The following PHF24 variants were observed in gnomAD, a reference collection of about 807,000 sequenced individuals.
PHF24 encodes Galpha inhibitory interacting protein.
PHF24 carries 25 observed loss-of-function variants against 42.6 expected under a neutral mutation model. The observed-to-expected ratio is 0.59, with a 90% confidence interval of 0.43 to 0.82. PHF24 has a LOEUF of 0.82. PHF24 is among the 40% of genes least tolerant of loss of function. The pLI is 0.00. For synonymous variants in PHF24, 185 were observed against 204.8 expected (o/e 0.90, Z 0.83); for missense variants, 470 against 538.1 (o/e 0.87, Z 1.25).
At chr9:34,720,623 A>G in the PHF24 span, among the ~76,000 whole-genome samples, 3 of 152,044 alleles carry the variant, frequency 2.0e-5, no homozygotes, top group African/African-American at 4.8e-5. Flanking sequence ...TTCTCAGGGC[A>G]GCTTCTTTGT....
the PHF24 span, among the ~76,000 whole-genome samples, chr9:34,756,102 T>G: frequency 1.3e-5 from 2 of 152,142 alleles, no homozygotes; most frequent in Non-Finnish European, 2.9e-5. Flanking sequence ...TGAGTTGATC[T>G]CTTTCTCTCT....
At chr9:34,905,689 G>A in the PHF24 span, among the ~76,000 whole-genome samples, 1 of 152,092 alleles carries the variant, frequency 6.6e-6, no homozygotes, top group Non-Finnish European at 1.5e-5. Context: ...GTTGGAAGAG[G>A]GAGTGATCCA....
chr9:34,846,975 T>C, the PHF24 span, among the ~76,000 whole-genome samples: 2 of 152,174 alleles, frequency 1.3e-5, no homozygotes, highest in East Asian at 3.8e-4. Flanking sequence ...GTTTTGGTAC[T>C]AGTACCATGC....
chr9:34,918,287 CA>C, the PHF24 span: 4 of 1,302,280 alleles, frequency 3.1e-6, no homozygotes, highest in Non-Finnish European at 4.5e-6. Context: ...CCTTCCAGTA[CA>C]AAAACTAAGT....
the PHF24 span, chr9:34,918,244 G>A: frequency 1.3e-5 from 20 of 1,486,982 alleles, no homozygotes; most frequent in Middle Eastern, 1.7e-4. Flanking sequence ...GCCCTCATCC[G>A]CACGTGTCTT....
At chr9:34,766,126 C>T in the PHF24 span, among the ~76,000 whole-genome samples, 1 of 152,110 alleles carries the variant, frequency 6.6e-6, no homozygotes, top group East Asian at 1.9e-4. Flanking sequence ...CTCTGGCTAC[C>T]CTTAATATTT....
the PHF24 span, among the ~76,000 whole-genome samples, chr9:34,925,862 A>G: frequency 6.6e-6 from 1 of 151,954 alleles, no homozygotes; most frequent in Admixed American, 6.6e-5. Context: ...CTTTGTCATG[A>G]TTGTGTGTTC....
chr9:34,816,949 T>C, the PHF24 span, among the ~76,000 whole-genome samples: 1 of 152,208 alleles, frequency 6.6e-6, no homozygotes, highest in Admixed American at 6.5e-5. Flanking sequence ...GGTGATCATT[T>C]TCAAATCAAA....
At chr9:34,733,294 A>C in the PHF24 span, among the ~76,000 whole-genome samples, 1 of 152,178 alleles carries the variant, frequency 6.6e-6, no homozygotes, top group South Asian at 2.1e-4. Context: ...TCTGTGAAAT[A>C]TCTCTTCCTA....
At chr9:34,753,946 G>A in the PHF24 span, among the ~76,000 whole-genome samples, 1 of 152,154 alleles carries the variant, frequency 6.6e-6, no homozygotes, top group Non-Finnish European at 1.5e-5. Context: ...GCAGAAGAAT[G>A]AAACTAGATC....
the PHF24 span, among the ~76,000 whole-genome samples, chr9:34,775,912 A>T: frequency 6.6e-6 from 1 of 152,344 alleles, no homozygotes; most frequent in East Asian, 1.9e-4. Flanking sequence ...TTATTTGGCA[A>T]TAAAAAGGAA....
chr9:34,776,645 C>A, the PHF24 span, among the ~76,000 whole-genome samples: 11 of 152,190 alleles, frequency 7.2e-5, no homozygotes, highest in African/African-American at 2.7e-4. Flanking sequence ...TTGTATCTCA[C>A]TGAGCTTCAT....
At chr9:34,768,019 A>G in the PHF24 span, among the ~76,000 whole-genome samples, 2 of 152,218 alleles carry the variant, frequency 1.3e-5, no homozygotes, top group Non-Finnish European at 2.9e-5. Flanking sequence ...TGCTGAACTC[A>G]GACATTGGTC....
At chr9:34,758,544 C>A in the PHF24 span, among the ~76,000 whole-genome samples, 1 of 152,050 alleles carries the variant, frequency 6.6e-6, no homozygotes, top group East Asian at 1.9e-4. This position sits in a 1 kb window ranked among gnomAD's most constrained non-coding sequence, Gnocchi z 4.4. Context: ...CCTGGGATTG[C>A]GGCATTCAGC....
chr9:34,773,978 A>G, the PHF24 span, among the ~76,000 whole-genome samples: 7 of 152,354 alleles, frequency 4.6e-5, no homozygotes, highest in African/African-American at 1.7e-4. Context: ...ATAATGATGT[A>G]TCAATATTAG....
the PHF24 span, among the ~76,000 whole-genome samples, chr9:34,810,072 C>A: frequency 6.6e-6 from 1 of 151,846 alleles, no homozygotes; most frequent in African/African-American, 2.4e-5. Flanking sequence ...TGCATGCTGT[C>A]CGCCCTCAGC....
chr9:34,720,369 C>T, the PHF24 span, among the ~76,000 whole-genome samples: 4 of 149,072 alleles, frequency 2.7e-5, no homozygotes, highest in African/African-American at 7.4e-5. Context: ...GGCGTGAACC[C>T]GGGAAGCGGA....
At chr9:34,894,398 G>C in the PHF24 span, 1 of 398,426 alleles carries the variant, frequency 2.5e-6, no homozygotes, top group African/African-American at 2.1e-5. Context: ...AATGATCACA[G>C]ACCAGACTAG....
At chr9:34,852,292 A>G in the PHF24 span, among the ~76,000 whole-genome samples, 1 of 152,202 alleles carries the variant, frequency 6.6e-6, no homozygotes, top group African/African-American at 2.4e-5. Flanking sequence ...GGCTATTGGT[A>G]AATTCTGGGG....
Sources: allele counts gnomAD v4.1 joint callset (sites outside exome capture counted in the v4.1 genomes callset), GRCh38; gene constraint gnomAD v4.1.1; non-coding constraint Gnocchi (gnomAD v3.1); transcripts MANE v1.5; gene names NCBI Gene and HGNC (gene_info 2026-07-23, HGNC 2026-07-21).